DTNA: variants seen among roughly 807,000 people sequenced by gnomAD.
DTNA encodes the protein dystrophin-related protein 3.
A neutral mutation model predicts 100.7 loss-of-function variants in DTNA; 43 were observed. The observed-to-expected ratio is 0.43, with a 90% CI of 0.33 to 0.55. The LOEUF (loss-of-function observed/expected upper bound fraction) is 0.55. DTNA is among the 20% of genes least tolerant of loss of function. The pLI is 0.04. For missense variants in DTNA, 798 were observed against 953.9 expected, an observed-to-expected ratio of 0.84 and a Z score of 2.15; for synonymous variants, 349 against 347.9, an observed-to-expected ratio of 1.00 and a Z score of -0.04.
In DTNA at chr18:34,653,282, T is replaced by C. The variant is rs959931416; in HGVS notation, c.-1-102694T>C. Among the ~76,000 whole-genome samples the C allele has an allele frequency of 3.9e-5, 6 of 152,314 alleles. No homozygotes were observed. The South Asian group carries it at 1.2e-3, about 32-fold the overall frequency. On this transcript the variant is annotated intron_variant, in intron 1 of 19. Transcript: ENST00000283365. ...TAAAAATAAAATTCAGCCTCACCTTTAGCATTTCAATTTTATAGTCCTCTA... is the reference window on the plus strand; with the variant it reads ...TAAAAATAAAATTCAGCCTCACCTTCAGCATTTCAATTTTATAGTCCTCTA...
chr18:34,818,135 T>C (rs750430084), intron 7 of DTNA, 29 bp from the exon 8 acceptor site: 1 of 1,613,876 alleles, frequency 6.2e-7, no homozygotes, highest in East Asian at 2.2e-5. Flanking sequence ...TTTGTTTTCT[T>C]GGTTTTTCTT....
chr18:34,881,914 A>C (rs369806614), intron 20 of DTNA, among the ~76,000 whole-genome samples, 155 bp from the exon 21 acceptor site: 16 of 152,344 alleles, frequency 1.1e-4, no homozygotes, highest in Admixed American at 4.6e-4. Context: ...AAATGTTTCC[A>C]AGTTTTTTTT....
chr18:34,681,886 A>C (rs2078181366), intron 1 of DTNA, among the ~76,000 whole-genome samples: 1 of 152,078 alleles, frequency 6.6e-6, no homozygotes, highest in South Asian at 2.1e-4. Context: ...CAAATGCATA[A>C]ATGACATGTA....
chr18:34,688,139 A>G (rs1487827645), intron 1 of DTNA, among the ~76,000 whole-genome samples: 1 of 152,142 alleles, frequency 6.6e-6, no homozygotes, highest in African/African-American at 2.4e-5. Context: ...TAGCCCATTT[A>G]CATTTAAGGT....
chr18:34,748,008 C>A (rs970205068), intron 1 of DTNA, among the ~76,000 whole-genome samples: 1 of 152,120 alleles, frequency 6.6e-6, no homozygotes, highest in African/African-American at 2.4e-5. Flanking sequence ...GCCATTCTTG[C>A]AGAAGTAAGG....
At chr18:34,617,330 A>C (rs1386311931) in intron 1 of DTNA, among the ~76,000 whole-genome samples, 1 of 152,156 alleles carries the variant, frequency 6.6e-6, no homozygotes, top group Non-Finnish European at 1.5e-5. Context: ...TTAAACATGA[A>C]ATGATGGTTT....
intron 1 of DTNA, among the ~76,000 whole-genome samples, chr18:34,534,652 C>A (rs1281292557): frequency 6.6e-6 from 1 of 152,082 alleles, no homozygotes; most frequent in East Asian, 2.0e-4. Context: ...TTCCCTCCAA[C>A]CCCCCTACAG....
intron 1 of DTNA, among the ~76,000 whole-genome samples, chr18:34,496,578 G>A (rs903294553): frequency 6.6e-6 from 1 of 152,164 alleles, no homozygotes; most frequent in Non-Finnish European, 1.5e-5. Context: ...TGCTTCTACA[G>A]AGCCTCTTTT....
At chr18:34,695,494 T>G (rs529772924) in intron 1 of DTNA, among the ~76,000 whole-genome samples, 84 of 152,174 alleles carry the variant, frequency 5.5e-4, no homozygotes, top group African/African-American at 1.9e-3. Context: ...TGGTAACCAG[T>G]GGAGGCGCTA....
chr18:34,663,997 A>G (rs1568156435), intron 1 of DTNA, among the ~76,000 whole-genome samples: 1 of 152,204 alleles, frequency 6.6e-6, no homozygotes. Context: ...AATAGATTAT[A>G]TGAAGTTCAT....
intron 1 of DTNA, among the ~76,000 whole-genome samples, chr18:34,725,513 G>A (rs1056986599): frequency 7.2e-5 from 11 of 152,058 alleles, no homozygotes; most frequent in Admixed American, 2.6e-4. Context: ...ATCATCACTG[G>A]TCATTAGAGA....
chr18:34,655,241 G>T (rs1029751676), intron 1 of DTNA, among the ~76,000 whole-genome samples: 3 of 152,098 alleles, frequency 2.0e-5, no homozygotes, highest in African/African-American at 7.2e-5. Flanking sequence ...TCTCTGAATC[G>T]GTTATTGGAC....
intron 1 of DTNA, among the ~76,000 whole-genome samples, chr18:34,670,662 T>G (rs1234759838): frequency 6.6e-6 from 1 of 152,228 alleles, no homozygotes; most frequent in Non-Finnish European, 1.5e-5. Context: ...CAGCTGCAGG[T>G]CTGTTGGAGT....
intron 1 of DTNA, among the ~76,000 whole-genome samples, chr18:34,550,451 T>C (rs1267417754): frequency 6.6e-6 from 1 of 152,114 alleles, no homozygotes; most frequent in African/African-American, 2.4e-5. Context: ...CAGAAAAATA[T>C]CCAGATTTTA....
At chr18:34,762,503 G>A (rs1052825731) in intron 2 of DTNA, among the ~76,000 whole-genome samples, 1 of 152,216 alleles carries the variant, frequency 6.6e-6, no homozygotes, top group South Asian at 2.1e-4. Context: ...CCCAAAGTAG[G>A]TTTTTGGGTT....
chr18:34,852,457 A>G (rs2096493192), intron 15 of DTNA, among the ~76,000 whole-genome samples: 1 of 152,160 alleles, frequency 6.6e-6, no homozygotes, highest in Admixed American at 6.5e-5. Flanking sequence ...GTCTACCTCC[A>G]CAGCATACAC....
chr18:34,773,189 T>C (rs939022015), intron 3 of DTNA, among the ~76,000 whole-genome samples: 1 of 152,232 alleles, frequency 6.6e-6, no homozygotes, highest in Non-Finnish European at 1.5e-5. Context: ...TCAGCTAATT[T>C]GGGATCATAA....
chr18:34,500,961 C>G (rs78686382), intron 1 of DTNA, among the ~76,000 whole-genome samples: 1 of 152,002 alleles, frequency 6.6e-6, no homozygotes. Context: ...CTTTTCTTGT[C>G]CTATTGCACT....
chr18:34,507,351 C>A (rs564064675), intron 1 of DTNA, among the ~76,000 whole-genome samples: 9 of 152,258 alleles, frequency 5.9e-5, no homozygotes, highest in African/African-American at 2.2e-4. Flanking sequence ...TGTTTGTAAA[C>A]TAAGAAATAG....
Sources: gnomAD v4.1 joint callset for allele counts (sites outside exome capture counted in the v4.1 genomes callset) on GRCh38, gnomAD v4.1.1 for gene constraint, MANE v1.5 for transcripts, NCBI Gene and HGNC (gene_info 2026-07-23, HGNC 2026-07-21) for gene names.